Variants in GPC5 observed in about 807,000 individuals in gnomAD.
GPC5 encodes the protein glypican 5.
Under a neutral mutation model 53.9 loss-of-function variants are expected in GPC5, and 47 were observed. The observed-to-expected ratio is 0.87, with a 90% CI of 0.69 to 1.11. GPC5 has a LOEUF of 1.11. GPC5 is among the 50% of genes most tolerant of loss of function. The pLI is 0.00. For missense variants in GPC5, 748 were observed against 713.1 expected (o/e 1.05, Z -0.56); for synonymous variants, 286 against 263.3 (o/e 1.09, Z -0.84).
chr13:92,846,677 A>G (rs1356490653), intron 7 of GPC5, among the ~76,000 whole-genome samples: 2 of 152,200 alleles, frequency 1.3e-5, no homozygotes, highest in Admixed American at 1.3e-4. Context: ...TCATGTGCAT[A>G]ATGTGTTCCA....
intron 7 of GPC5, among the ~76,000 whole-genome samples, chr13:92,723,072 A>T (rs966202656): frequency 1.3e-5 from 2 of 151,746 alleles, no homozygotes; most frequent in Non-Finnish European, 3.0e-5. Context: ...TTTGTTAATA[A>T]TATAGCCTTG....
intron 7 of GPC5, among the ~76,000 whole-genome samples, chr13:92,747,126 G>A (rs139694688): frequency 2.3e-4 from 35 of 152,216 alleles, no homozygotes; most frequent in South Asian, 8.3e-4. Context: ...TAGCCAAAGC[G>A]TCATTATGTG....
chr13:92,757,462 G>C (rs547667442), intron 7 of GPC5, among the ~76,000 whole-genome samples: 2 of 152,046 alleles, frequency 1.3e-5, no homozygotes, highest in African/African-American at 4.8e-5. Flanking sequence ...AATGGCAACA[G>C]AAGCCAAAAT....
intron 7 of GPC5, among the ~76,000 whole-genome samples, chr13:92,533,052 T>G (rs1235753199): frequency 6.6e-6 from 1 of 152,204 alleles, no homozygotes; most frequent in African/African-American, 2.4e-5. Context: ...GGAAAAAATA[T>G]ATTCTTCAGT....
chr13:91,761,216 T>A (rs1385513092), intron 5 of GPC5, among the ~76,000 whole-genome samples: 1 of 152,146 alleles, frequency 6.6e-6, no homozygotes, highest in Admixed American at 6.5e-5. Context: ...TGTCCCTCAG[T>A]CTCCAGGAAT....
At chr13:91,558,703 C>A (rs575979333) in intron 2 of GPC5, among the ~76,000 whole-genome samples, 6 of 152,016 alleles carry the variant, frequency 3.9e-5, no homozygotes, top group African/African-American at 1.4e-4. Context: ...TCTAGAGATA[C>A]GTTGAGACTG....
intron 6 of GPC5, among the ~76,000 whole-genome samples, chr13:91,933,008 T>C (rs1594671940): frequency 6.6e-6 from 1 of 152,050 alleles, no homozygotes; most frequent in Admixed American, 6.6e-5. Flanking sequence ...TTAATATGCA[T>C]TTGAAATTTT....
intron 7 of GPC5, among the ~76,000 whole-genome samples, chr13:92,751,320 A>AAAAAAAAAAAAAAAAAAAAAAAC: frequency 6.8e-6 from 1 of 147,800 alleles, no homozygotes; most frequent in East Asian, 2.0e-4. Context: ...AAAAAAAAAA[A>AAAAAAAAAAAAAAAAAAAAAAAC]AAAAAAAAAA....
intron 7 of GPC5, among the ~76,000 whole-genome samples, chr13:92,264,203 C>T (rs1455507344): frequency 6.6e-6 from 1 of 151,910 alleles, no homozygotes; most frequent in Non-Finnish European, 1.5e-5. Flanking sequence ...ATCAGGTCAG[C>T]TCAGTAGAGA....
At chr13:92,468,610 T>C (rs1003575822) in intron 7 of GPC5, among the ~76,000 whole-genome samples, 3 of 152,182 alleles carry the variant, frequency 2.0e-5, no homozygotes, top group Admixed American at 6.6e-5. Flanking sequence ...TATTCCATAC[T>C]TTTACGAGAA....
intron 2 of GPC5, among the ~76,000 whole-genome samples, chr13:91,493,951 G>T (rs563569727): frequency 3.0e-4 from 46 of 152,062 alleles, no homozygotes; most frequent in African/African-American, 1.1e-3. Context: ...TCTGCTCACT[G>T]CAACCTCCGC....
intron 6 of GPC5, among the ~76,000 whole-genome samples, chr13:91,924,015 G>T (rs980686942): frequency 6.6e-6 from 1 of 151,956 alleles, no homozygotes; most frequent in Non-Finnish European, 1.5e-5. Flanking sequence ...ATTTTTAAAA[G>T]AATCACATTA....
chr13:92,405,004 A>G (rs1193568978), intron 7 of GPC5, among the ~76,000 whole-genome samples: 1 of 150,498 alleles, frequency 6.6e-6, no homozygotes, highest in Non-Finnish European at 1.5e-5. Context: ...TTAAATTCCT[A>G]TGGCATATTT....
chr13:92,152,310 C>G (rs921250578), intron 7 of GPC5, among the ~76,000 whole-genome samples: 3 of 152,140 alleles, frequency 2.0e-5, no homozygotes, highest in African/African-American at 7.2e-5. Flanking sequence ...AGTAACTTCT[C>G]TCCTACCTTG....
chr13:91,788,522 C>T (rs1314065858), intron 5 of GPC5, among the ~76,000 whole-genome samples: 1 of 152,144 alleles, frequency 6.6e-6, no homozygotes, highest in Non-Finnish European at 1.5e-5. Context: ...AATTCATCTG[C>T]CATTTTGGTA....
chr13:92,812,084 T>C (rs186331672), intron 7 of GPC5, among the ~76,000 whole-genome samples: 30 of 152,060 alleles, frequency 2.0e-4, no homozygotes, highest in Admixed American at 1.3e-3. Context: ...TGTGGACCCA[T>C]CTGAATTTCA....
chr13:92,731,049 C>T (rs1594461804), intron 7 of GPC5, among the ~76,000 whole-genome samples: 1 of 151,290 alleles, frequency 6.6e-6, no homozygotes, highest in East Asian at 1.9e-4. Context: ...CAAAGGCCAG[C>T]ATATAGTCTT....
intron 7 of GPC5, among the ~76,000 whole-genome samples, chr13:92,467,075 T>G: frequency 6.6e-6 from 1 of 152,122 alleles, no homozygotes; most frequent in East Asian, 1.9e-4. Flanking sequence ...GCACTTTCAG[T>G]TTCCATCTGT....
At chr13:91,436,165 G>T (rs1490802463) in intron 1 of GPC5, among the ~76,000 whole-genome samples, 1 of 151,320 alleles carries the variant, frequency 6.6e-6, no homozygotes, top group Non-Finnish European at 1.5e-5. Context: ...TTTTTGAAGG[G>T]TTTTTTGTGT....
Sources: allele counts gnomAD v4.1 joint callset (sites outside exome capture counted in the v4.1 genomes callset), GRCh38; gene constraint gnomAD v4.1.1; transcripts MANE v1.5; gene names NCBI Gene and HGNC (gene_info 2026-07-23, HGNC 2026-07-21).